DMD: variants seen among roughly 807,000 people sequenced by gnomAD.
The protein encoded by DMD is dystrophin.
Under a neutral mutation model 330.1 loss-of-function variants are expected in DMD, and 63 were observed. The observed-to-expected ratio is 0.19, with a 90% confidence interval of 0.16 to 0.24. DMD has a LOEUF of 0.24. Ranked by LOEUF, DMD falls within the 10% of genes least tolerant of loss-of-function variation. The pLI, the probability that DMD is intolerant of heterozygous loss-of-function variation, is 1.00. For synonymous variants in DMD, 1,223 were observed against 959.8 expected (o/e 1.27, Z -5.07); for missense variants, 3,344 against 2,684.1 (o/e 1.25, Z -5.43).
At chrX:31,531,768 A>G (rs1448902119) in intron 55 of DMD, among the ~76,000 whole-genome samples, 1 of 108,388 alleles carries the variant, frequency 9.2e-6, no homozygotes, top group Non-Finnish European at 1.9e-5. Context: ...AACTAGAATA[A>G]CGAATACAGA....
At chrX:32,578,757 A>G (rs138203016) in intron 13 of DMD, among the ~76,000 whole-genome samples, 147 of 111,567 alleles carry the variant, frequency 1.3e-3, no homozygotes, top group African/African-American at 4.6e-3. Context: ...TAAGAGATAG[A>G]GTGTTCCCAG....
intron 52 of DMD, among the ~76,000 whole-genome samples, chrX:31,722,048 T>C (rs944181069): frequency 6.3e-5 from 7 of 110,941 alleles, no homozygotes; most frequent in Admixed American, 1.9e-4. Flanking sequence ...ACAGATATTA[T>C]GTCATTTATG....
intron 61 of DMD, among the ~76,000 whole-genome samples, chrX:31,330,209 A>G (rs182332275): frequency 1.9e-5 from 2 of 106,987 alleles, no homozygotes; most frequent in Non-Finnish European, 3.8e-5. Context: ...GAAAGCTATA[A>G]AAGTACAAAA....
intron 1 of DMD, among the ~76,000 whole-genome samples, chrX:33,032,304 C>G (rs1394063319): frequency 8.9e-6 from 1 of 112,147 alleles, no homozygotes; most frequent in Non-Finnish European, 1.9e-5. Flanking sequence ...TAGAGCTGAC[C>G]TGTACTCAAT....
At chrX:31,525,217 A>C (rs745463067) in intron 55 of DMD, among the ~76,000 whole-genome samples, 18 of 112,097 alleles carry the variant, frequency 1.6e-4, no homozygotes, top group African/African-American at 5.8e-4. Context: ...GAGATCCAAG[A>C]TGATCATTAA....
intron 76 of DMD, among the ~76,000 whole-genome samples, chrX:31,140,134 G>A (rs868617514): frequency 7.1e-5 from 8 of 112,275 alleles, no homozygotes; most frequent in South Asian, 7.4e-4. Context: ...GAAATATAAC[G>A]ATGGTTTCAG....
intron 2 of DMD, among the ~76,000 whole-genome samples, chrX:32,855,746 A>G (rs1051238446): frequency 1.8e-5 from 2 of 112,050 alleles, no homozygotes; most frequent in Admixed American, 1.9e-4. Context: ...TCTCCAAGAC[A>G]CTGGTCTAGG....
intron 1 of DMD, among the ~76,000 whole-genome samples, chrX:33,074,106 G>T (rs894725981): frequency 6.3e-5 from 7 of 111,235 alleles, no homozygotes; most frequent in Non-Finnish European, 1.1e-4. Context: ...ATGGGCCTGT[G>T]ACAATCACTC....
intron 50 of DMD, among the ~76,000 whole-genome samples, chrX:31,776,863 G>A (rs1465586058): frequency 3.6e-5 from 4 of 111,892 alleles, no homozygotes; most frequent in South Asian, 3.7e-4. Context: ...CTAGCAATGC[G>A]GCCATCCCTG....
chrX:33,230,003 T>C (rs986659059), intron 1 of DMD, among the ~76,000 whole-genome samples: 1 of 112,467 alleles, frequency 8.9e-6, no homozygotes, highest in Non-Finnish European at 1.9e-5. Context: ...ATACTTACAA[T>C]GTGCTATTGT....
chrX:31,913,922 T>C (rs967257612), intron 47 of DMD, among the ~76,000 whole-genome samples: 1 of 111,885 alleles, frequency 8.9e-6, no homozygotes, highest in African/African-American at 3.3e-5. Context: ...CTAATAATTA[T>C]CTAAAAACAA....
intron 39 of DMD, among the ~76,000 whole-genome samples, chrX:32,343,966 C>G (rs1327204737): frequency 9.0e-6 from 1 of 111,663 alleles, no homozygotes; most frequent in Non-Finnish European, 1.9e-5. Context: ...TCTTACTATA[C>G]CAAATCATGC....
At chrX:32,386,504 A>G in intron 32 of DMD, 39 bp from the exon 33 acceptor site, 1 of 1,083,309 alleles carries the variant, frequency 9.2e-7, no homozygotes, top group Non-Finnish European at 1.3e-6. Context: ...TAATCAGTAG[A>G]GTTAAATTAT....
At chrX:32,590,063 G>A (rs949617204) in intron 13 of DMD, among the ~76,000 whole-genome samples, 1 of 112,139 alleles carries the variant, frequency 8.9e-6, no homozygotes, top group East Asian at 2.8e-4. Flanking sequence ...CATTGGATCA[G>A]CCAATTTAAT....
chrX:31,718,287 T>C (rs903440577), intron 52 of DMD, among the ~76,000 whole-genome samples: 2 of 111,474 alleles, frequency 1.8e-5, no homozygotes, highest in African/African-American at 3.3e-5. Context: ...ATTCTGTGCA[T>C]AGACATTAGA....
At chrX:31,299,551 G>A (rs970688784) in intron 62 of DMD, among the ~76,000 whole-genome samples, 1 of 111,053 alleles carries the variant, frequency 9.0e-6, no homozygotes, top group Non-Finnish European at 1.9e-5. Flanking sequence ...GCTGAGGTGG[G>A]TGGATCATGA....
intron 55 of DMD, among the ~76,000 whole-genome samples, chrX:31,530,477 T>C (rs1015242718): frequency 1.8e-5 from 2 of 110,533 alleles, no homozygotes; most frequent in African/African-American, 6.6e-5. Flanking sequence ...ATAGCTGGTA[T>C]GCAACTGCTT....
chrX:32,656,881 T>G (rs1203041221), intron 9 of DMD, among the ~76,000 whole-genome samples: 1 of 111,919 alleles, frequency 8.9e-6, no homozygotes, highest in Non-Finnish European at 1.9e-5. Flanking sequence ...ATCAATACCT[T>G]GAAAATGGAG....
chrX:31,683,112 C>T (rs920223647), intron 52 of DMD, among the ~76,000 whole-genome samples: 1 of 111,590 alleles, frequency 9.0e-6, no homozygotes, highest in Non-Finnish European at 1.9e-5. Context: ...TGAGGGTATG[C>T]TTTTTCACCC....
Sources: allele counts gnomAD v4.1 joint callset (sites outside exome capture counted in the v4.1 genomes callset), GRCh38; gene constraint gnomAD v4.1.1; transcripts MANE v1.5; gene names NCBI Gene and HGNC (gene_info 2026-07-23, HGNC 2026-07-21).